LRRC47: variants seen among roughly 807,000 people sequenced by gnomAD.
The protein encoded by LRRC47 is leucine rich repeat containing 47.
Under a neutral mutation model 40.9 loss-of-function variants are expected in LRRC47, and 31 were observed. The observed-to-expected ratio is 0.76, with a 90% CI of 0.57 to 1.02. The LOEUF (loss-of-function observed/expected upper bound fraction) is 1.02. LRRC47 is among the 50% of genes least tolerant of loss of function. The probability of loss-of-function intolerance (pLI) is 0.00; values close to 1 mark genes in which losing one functional copy is unlikely to be tolerated. For synonymous variants in LRRC47, 427 were observed against 371.9 expected, an observed-to-expected ratio of 1.15 and a Z score of -1.70; for missense variants, 726 against 796.1, an observed-to-expected ratio of 0.91 and a Z score of 1.06.
intron 2 of LRRC47, 74 bp downstream of exon 2, chr1:3,786,775 C>T (rs550588217): frequency 1.0e-5 from 14 of 1,397,874 alleles, no homozygotes; most frequent in Middle Eastern, 2.5e-4. Flanking sequence ...GACACGCTGG[C>T]CTCAGGATGT....
chr1:3,787,421 C>A lies in LRRC47; in HGVS notation c.616-111G>T, dbSNP rs989694762. On this transcript the variant is annotated intron_variant, in intron 1 of 6. Transcript: ENST00000378251. ...ATCACTCACAAGAGCCACCACTGGC[C>A]TGTCTGTGGGGACGCGTCCCTGGGG... 1.5e-5 allele frequency: 16 copies of A among 1,087,086 alleles called. No individual in the cohort carries two copies. In the African/African-American group the frequency reaches 2.4e-4, roughly 16 times the overall value. 67.3% of individuals were successfully genotyped at this position (1,087,086 alleles called of 1,614,324 possible). A position where few individuals can be genotyped will look rare whatever the true frequency, so the allele number is the denominator to read the frequency against.
intron 1 of LRRC47, among the ~76,000 whole-genome samples, chr1:3,788,084 C>G (rs1643594364): frequency 1.3e-5 from 2 of 152,260 alleles, no homozygotes; most frequent in South Asian, 4.1e-4. Flanking sequence ...GCACCTGATG[C>G]ACTCTTAGGA....
rs1234661683 is a variant in LRRC47, at chr1:3,780,659, G to A, written c.*429C>T. 1 of 159,770 alleles carries A rather than the reference G, an allele frequency of 6.3e-6. No homozygotes were observed. Among genetic ancestry groups the A allele is most frequent in the Non-Finnish European group, 1.4e-5 (1 of 73,320 alleles). 9.9% of individuals were successfully genotyped at this position (159,770 alleles called of 1,614,324 possible). ...ATACATCTTAAAAAATGCTGGGGTG[G>A]GCCAGGCACAGCTCACGCCTGTAAT... is the stretch of plus-strand genomic sequence containing the variant. On this transcript the variant is annotated 3_prime_UTR_variant, in exon 7 of 7. Coordinates refer to ENST00000378251, the MANE Select transcript of LRRC47 (RefSeq NM_020710.3).
intron 1 of LRRC47, among the ~76,000 whole-genome samples, chr1:3,793,516 C>A (rs1049897412): frequency 6.6e-6 from 1 of 152,124 alleles, no homozygotes; most frequent in East Asian, 1.9e-4. Flanking sequence ...TGAGGGTCCA[C>A]GAGGATAGGA....
chr1:3,785,329 G>A (rs775321621), intron 2 of LRRC47, 126 bp from the exon 3 acceptor site: 13 of 530,522 alleles, frequency 2.5e-5, no homozygotes, highest in South Asian at 7.6e-5. Context: ...TCACAACCAC[G>A]CCACGCCCCT....
At chr1:3,789,744 G>A (rs1242394999) in intron 1 of LRRC47, among the ~76,000 whole-genome samples, 1 of 152,244 alleles carries the variant, frequency 6.6e-6, no homozygotes, top group Admixed American at 6.5e-5. Context: ...CACCATCTGG[G>A]TGGGGCGCAA....
chr1:3,788,842 G>A (rs932897199), intron 1 of LRRC47, among the ~76,000 whole-genome samples: 3 of 152,180 alleles, frequency 2.0e-5, no homozygotes, highest in Non-Finnish European at 4.4e-5. Context: ...AAAAGGGCTC[G>A]CGTGCCCTCT....
In LRRC47 at chr1:3,781,276, T is replaced by C; in HGVS notation, c.1564A>G (p.Thr522Ala). 1.9e-6 allele frequency: 3 copies of C among 1,614,202 alleles called. 1 individual carries two copies. In the South Asian group the frequency reaches 3.3e-5, roughly 18 times the overall value. The change falls in exon 7 of 7, where the codon ACT becomes GCT. Residue 522 changes from threonine to alanine, a missense_variant. Thr to Ala is a moderately conservative substitution (Grantham distance 58, BLOSUM62 0). Coordinates refer to ENST00000378251, the MANE Select transcript of LRRC47 (RefSeq NM_020710.3). ...TGTCCAGAGACTGCATCGGCTTCAG[T>C]ATCTGAGAGTGATCCTTCCTCTTTA... ...ENKEEGSLSDTEADAVSGQLP... is the reference protein window; with the variant it reads ...ENKEEGSLSDAEADAVSGQLP...
rs539190953 is a variant in LRRC47, at chr1:3,787,680, C to T, written c.616-370G>A. 2.6e-5 allele frequency among the ~76,000 whole-genome samples: 4 copies of T among 152,244 alleles called. No individual in the cohort carries two copies. In the South Asian group the frequency reaches 6.2e-4, roughly 24 times the overall value. ...AGACAGGGGATGTCTGGGTGTGAAACGTGACCTCATGTCGGGACCTAGCCA... is the reference window on the plus strand; with the variant it reads ...AGACAGGGGATGTCTGGGTGTGAAATGTGACCTCATGTCGGGACCTAGCCA... On this transcript the variant is annotated intron_variant, in intron 1 of 6. Transcript: ENST00000378251.
rs2298227 is a variant in LRRC47, at chr1:3,785,099, T to C, written c.1182A>G (p.Pro394=). 0.11 allele frequency: 173,938 copies of C among 1,595,842 alleles called. 9,925 individuals are homozygous for C. The highest frequency in any genetic ancestry group is 0.14 in the Middle Eastern group (818 of 5,876). Residue 394 remains proline (P), a synonymous_variant, in exon 3 of 7, where the codon CCA becomes CCG. Coordinates refer to ENST00000378251, the MANE Select transcript of LRRC47 (RefSeq NM_020710.3). The stretch of plus-strand genomic sequence containing the variant: ...GAGGCTGCAGCACCTTGAGGTCCTG[T>C]GGGGGCCGGGCGCAGTACAGCAGGG... ...KGPLLYCARP[P]QDLKIVPLGR... is the part of the protein sequence containing the mutation.
chr1:3,796,459 C>G lies in LRRC47; in HGVS notation c.18G>C (p.Val6=), dbSNP rs1375994878. The G allele has an allele frequency of 6.6e-7, 1 of 1,511,468 alleles. No individual in the cohort carries two copies. The highest frequency in any genetic ancestry group is 2.7e-5 in the East Asian group (1 of 36,714). 93.6% of individuals were successfully genotyped at this position (1,511,468 alleles called of 1,614,324 possible). MAAAA[V]SESWPELELA... ...GCTCCAGCTCCGGCCAAGACTCTGACACCGCTGCCGCCGCCATGGCGCCTC... is the reference window on the plus strand; with the variant it reads ...GCTCCAGCTCCGGCCAAGACTCTGAGACCGCTGCCGCCGCCATGGCGCCTC... The change falls in exon 1 of 7, where the codon GTG becomes GTC. Residue 6 remains valine, a synonymous_variant. Coordinates refer to ENST00000378251, the MANE Select transcript of LRRC47 (RefSeq NM_020710.3).
At chr1:3,789,582 T>C (rs1282290300) in intron 1 of LRRC47, among the ~76,000 whole-genome samples, 1 of 152,220 alleles carries the variant, frequency 6.6e-6, no homozygotes, top group African/African-American at 2.4e-5. Context: ...GAAAGGATGA[T>C]GGCGGGCACT....
intron 3 of LRRC47, among the ~76,000 whole-genome samples, chr1:3,784,688 G>A (rs1008443770): frequency 2.0e-5 from 3 of 152,196 alleles, no homozygotes; most frequent in East Asian, 1.9e-4. Flanking sequence ...GAACAGCATC[G>A]GATCCTACTC....
At chr1:3,781,826 C>T (rs557061342) in intron 5 of LRRC47, among the ~76,000 whole-genome samples, 8 of 152,088 alleles carry the variant, frequency 5.3e-5, no homozygotes, top group Non-Finnish European at 1.2e-4. Context: ...CAAAAAAATA[C>T]AAAAATTAGC....
intron 1 of LRRC47, among the ~76,000 whole-genome samples, chr1:3,794,934 A>C (rs912918401): frequency 6.6e-6 from 1 of 151,434 alleles, no homozygotes; most frequent in African/African-American, 2.4e-5. Flanking sequence ...TGCGCCTGTA[A>C]GCCCAGCTAC....
At chr1:3,782,081 G>A (rs78157881) in intron 5 of LRRC47, among the ~76,000 whole-genome samples, 2,305 of 152,278 alleles carry the variant, frequency 0.015, 28 homozygotes, top group Non-Finnish European at 0.024. Flanking sequence ...ACGCAGCACC[G>A]AGCATGAACA....
At chr1:3,782,587 G>A (rs1487680682) in intron 5 of LRRC47, 74 bp downstream of exon 5, 7 of 904,700 alleles carry the variant, frequency 7.7e-6, no homozygotes, top group Admixed American at 1.7e-5. Flanking sequence ...GAGCCACCAC[G>A]CCCCGCAGAC....
At chr1:3,790,292 T>G (rs558066629) in intron 1 of LRRC47, among the ~76,000 whole-genome samples, 151 of 152,220 alleles carry the variant, frequency 9.9e-4, no homozygotes, top group Non-Finnish European at 1.3e-3. Flanking sequence ...ACTGAGAAAC[T>G]CGGAAGCTGG....
At chr1:3,782,371 A>T (rs1054896110) in intron 5 of LRRC47, among the ~76,000 whole-genome samples, 1 of 151,946 alleles carries the variant, frequency 6.6e-6, no homozygotes, top group Non-Finnish European at 1.5e-5. Flanking sequence ...GGTATGTGCC[A>T]CTATGCTCAG....
Sources: gnomAD v4.1 joint callset for allele counts (sites outside exome capture counted in the v4.1 genomes callset) on GRCh38, gnomAD v4.1.1 for gene constraint, MANE v1.5 for transcripts, NCBI Gene and HGNC (gene_info 2026-07-23, HGNC 2026-07-21) for gene names.